SEMA3E: variants seen among roughly 807,000 people sequenced by gnomAD.
SEMA3E encodes semaphorin-3E.
In SEMA3E, 49 loss-of-function variants were observed where a neutral mutation model predicts 93.6. That is an observed-to-expected ratio of 0.52 (90% confidence interval 0.42 to 0.66). The LOEUF (loss-of-function observed/expected upper bound fraction) is 0.66. Ranked by LOEUF, SEMA3E falls within the 30% of genes least tolerant of loss-of-function variation. SEMA3E has a pLI of 0.00. For synonymous variants in SEMA3E, 363 were observed against 330.7 expected, an observed-to-expected ratio of 1.10 and a Z score of -1.06; for missense variants, 906 against 964.8, an observed-to-expected ratio of 0.94 and a Z score of 0.81.
chr7:83,608,248 TC>T (rs1793169391), intron 1 of SEMA3E, among the ~76,000 whole-genome samples: 1 of 151,908 alleles, frequency 6.6e-6, no homozygotes, highest in South Asian at 2.1e-4. Context: ...TTAGCTTCAT[TC>T]AACAGAATGA....
intron 5 of SEMA3E, among the ~76,000 whole-genome samples, chr7:83,410,043 G>C (rs938249555): frequency 1.5e-4 from 23 of 151,494 alleles, no homozygotes; most frequent in African/African-American, 5.6e-4. Context: ...AAAAAAATAA[G>C]CTTTAGAAGT....
intron 1 of SEMA3E, among the ~76,000 whole-genome samples, chr7:83,522,923 A>G (rs1791078509): frequency 6.6e-6 from 1 of 152,038 alleles, no homozygotes; most frequent in Admixed American, 6.6e-5. Context: ...TACTCTCGTA[A>G]GCCCCTAAGC....
chr7:83,649,000 TTGCCAAACTGCTAG>T lies in SEMA3E; in HGVS notation c.-472_-459del, dbSNP rs571521847. ...TCAGAAGTCAGCCTCTTGCACTGAC[TTGCCAAACTGCTAG>T]TTTTAATTCACCTTTCACCTTGCTA... On this transcript the variant is annotated 5_prime_UTR_variant, in exon 1 of 17. Transcript: ENST00000643230. 2.0e-3 allele frequency: 335 copies of T among 171,562 alleles called. 2 individuals carry two copies. Among genetic ancestry groups the T allele is most frequent in the African/African-American group, 7.7e-3 (324 of 41,810 alleles). 10.6% of individuals were successfully genotyped at this position (171,562 alleles called of 1,614,324 possible).
Position 83,567,149 on chromosome 7 carries a change from A to T in SEMA3E, c.116-76875T>A, listed in dbSNP as rs1312287293. Among the ~76,000 whole-genome samples the T allele has an allele frequency of 2.0e-5, 3 of 152,200 alleles. No homozygotes were observed. In the East Asian group the frequency reaches 5.8e-4, roughly 29 times the overall value. ...ATAAAGCAGACTTTACGTCAGAAAC[A>T]GTAAAAATAGATGAAGAAAGCCATT... On this transcript the variant is annotated intron_variant, in intron 1 of 16. Transcript: ENST00000643230.
intron 1 of SEMA3E, among the ~76,000 whole-genome samples, chr7:83,621,357 A>G (rs948567063): frequency 1.3e-5 from 2 of 152,216 alleles, no homozygotes; most frequent in African/African-American, 4.8e-5. Context: ...GACACAACCA[A>G]ATGGAAAAAC....
intron 9 of SEMA3E, among the ~76,000 whole-genome samples, chr7:83,404,048 G>A (rs1002346686): frequency 7.2e-5 from 11 of 151,776 alleles, no homozygotes; most frequent in Admixed American, 1.3e-4. Flanking sequence ...AAACTAAACC[G>A]ATTATTCCAT....
In SEMA3E at chr7:83,468,422, A is replaced by AAT. The variant is rs544022275; in HGVS notation, c.336+819_336+820dup. On this transcript the variant is annotated intron_variant, in intron 3 of 16. Transcript: ENST00000643230. ...CTGAGCTAGATTGACATGGCCTAAG[A>AAT]ATATGTTCAATTAGTCAGCATCATG... Among the ~76,000 whole-genome samples the AAT allele has an allele frequency of 1.3e-3, 203 of 152,292 alleles. 1 individual carries two copies. The highest frequency in any genetic ancestry group is 3.5e-3 in the African/African-American group (146 of 41,568).
rs544536766 is a variant in SEMA3E, at chr7:83,648,958, G to C, written c.-416C>G. 40 of 192,344 alleles carry C rather than the reference G, an allele frequency of 2.1e-4. No homozygotes were observed. The highest frequency in any genetic ancestry group is 4.1e-4 in the Non-Finnish European group (38 of 92,348). 11.9% of individuals were successfully genotyped at this position (192,344 alleles called of 1,614,324 possible). A position where few individuals can be genotyped will look rare whatever the true frequency, so the allele number is the denominator to read the frequency against. Reference sequence around the variant, plus strand: ...CTTCTCCCGTGGAGGTCCTCTCTTCGGGCTCCTGGAAGCCTCTCAGAAGTC... The same window carrying C: ...CTTCTCCCGTGGAGGTCCTCTCTTCCGGCTCCTGGAAGCCTCTCAGAAGTC... On this transcript the variant is annotated 5_prime_UTR_variant, in exon 1 of 17. Transcript: ENST00000643230.
chr7:83,647,107 A>G (rs11977612), intron 1 of SEMA3E, among the ~76,000 whole-genome samples: 9,704 of 152,170 alleles, frequency 0.064, 828 homozygotes, highest in African/African-American at 0.2. Flanking sequence ...AATTCTGGGC[A>G]CTATATTTTA....
At chr7:83,455,009 CCTT>C (rs74400241) in intron 4 of SEMA3E, among the ~76,000 whole-genome samples, 17,743 of 152,108 alleles carry the variant, frequency 0.12, 1,084 homozygotes, top group Non-Finnish European at 0.14. Flanking sequence ...TATGTATAAC[CCTT>C]ATGATTTTGA....
At chr7:83,585,105 T>A (rs1792597163) in intron 1 of SEMA3E, among the ~76,000 whole-genome samples, 1 of 152,152 alleles carries the variant, frequency 6.6e-6, no homozygotes, top group South Asian at 2.1e-4. Flanking sequence ...TGCTGTTCCC[T>A]CCATCTGCAC....
chr7:83,593,160 T>C (rs1289889480), intron 1 of SEMA3E, among the ~76,000 whole-genome samples: 1 of 151,856 alleles, frequency 6.6e-6, no homozygotes, highest in African/African-American at 2.4e-5. Context: ...ATCAAATCAT[T>C]TGAAGTGGGG....
At chr7:83,622,842 G>A (rs1287087569) in intron 1 of SEMA3E, among the ~76,000 whole-genome samples, 1 of 151,518 alleles carries the variant, frequency 6.6e-6, no homozygotes, top group Non-Finnish European at 1.5e-5. Context: ...GTGGGGAAGA[G>A]TTGCGAAGGG....
At chr7:83,452,020 T>A (rs1789370552) in intron 4 of SEMA3E, among the ~76,000 whole-genome samples, 1 of 152,184 alleles carries the variant, frequency 6.6e-6, no homozygotes, top group South Asian at 2.1e-4. Flanking sequence ...GATTAACAGT[T>A]GAAAAATAAA....
chr7:83,371,785 A>G (rs1466551673), intron 16 of SEMA3E: 1 of 152,136 alleles, frequency 6.6e-6, no homozygotes, highest in African/African-American at 2.4e-5. Flanking sequence ...TCCCTTAAAT[A>G]AACTCCTTTC....
chr7:83,534,394 A>G (rs1268491015), intron 1 of SEMA3E, among the ~76,000 whole-genome samples: 2 of 152,192 alleles, frequency 1.3e-5, no homozygotes, highest in Non-Finnish European at 2.9e-5. Flanking sequence ...TCTAAGGACT[A>G]TGGCTTTACC....
intron 1 of SEMA3E, among the ~76,000 whole-genome samples, chr7:83,628,830 G>A (rs1793727405): frequency 6.6e-6 from 1 of 151,872 alleles, no homozygotes; most frequent in South Asian, 2.1e-4. Context: ...TCCCTTGCTG[G>A]CGAGGAGTTG....
intron 4 of SEMA3E, among the ~76,000 whole-genome samples, chr7:83,430,667 G>A (rs949446456): frequency 1.3e-5 from 2 of 151,996 alleles, no homozygotes; most frequent in African/African-American, 2.4e-5. Flanking sequence ...ATCACACACC[G>A]GGGCCTGTCA....
intron 2 of SEMA3E, among the ~76,000 whole-genome samples, chr7:83,476,143 C>T (rs1457458806): frequency 6.6e-6 from 1 of 152,172 alleles, no homozygotes; most frequent in Non-Finnish European, 1.5e-5. Flanking sequence ...TAAGCACAGT[C>T]TCTGCTTTTC....
Sources: allele counts gnomAD v4.1 joint callset (sites outside exome capture counted in the v4.1 genomes callset), GRCh38; gene constraint gnomAD v4.1.1; transcripts MANE v1.5; gene names NCBI Gene and HGNC (gene_info 2026-07-23, HGNC 2026-07-21).